C9: variants seen among roughly 807,000 people sequenced by gnomAD.
C9 encodes complement C9, also known as complement component C9.
A neutral mutation model predicts 65.4 loss-of-function variants in C9; 63 were observed. The ratio of observed to expected loss-of-function variants is 0.96; its 90% confidence interval spans 0.79 to 1.19. The LOEUF is 1.19. Ranked by LOEUF, C9 falls within the 50% of genes most tolerant of loss-of-function variation. The pLI is 0.00. For missense variants in C9, 744 were observed against 670.1 expected, an observed-to-expected ratio of 1.11 and a Z score of -1.22; for synonymous variants, 229 against 227.9, an observed-to-expected ratio of 1.00 and a Z score of -0.04.
chr5:39,340,633 C>T (rs368560490), intron 4 of C9, among the ~76,000 whole-genome samples: 1 of 152,286 alleles, frequency 6.6e-6, no homozygotes, highest in Middle Eastern at 3.4e-3. Flanking sequence ...AGAACCAGAA[C>T]CTCAACATAA....
chr5:39,305,783 AG>A (rs979112094), intron 9 of C9, among the ~76,000 whole-genome samples: 1 of 152,134 alleles, frequency 6.6e-6, no homozygotes, highest in Non-Finnish European at 1.5e-5. Context: ...TAATCAAGAT[AG>A]AAAAAGGAAA....
intron 1 of C9, among the ~76,000 whole-genome samples, chr5:39,358,724 G>A (rs1288219891): frequency 2.0e-5 from 3 of 152,046 alleles, no homozygotes; most frequent in Admixed American, 6.6e-5. Flanking sequence ...GGTGGCTCAC[G>A]TCTGTAATCC....
In C9 at chr5:39,306,634, C is replaced by T. The variant is rs752668931; in HGVS notation, c.1399G>A (p.Val467Ile). ...TTTCTTACTTTTTGACTAATGAGAACAGGAGCATCATTTATGGAAGAGGCC... is the reference window on the plus strand; with the variant it reads ...TTTCTTACTTTTTGACTAATGAGAATAGGAGCATCATTTATGGAAGAGGCC... ...NWASSINDAPVLISQKLSPIY... is the reference protein window; with the variant it reads ...NWASSINDAPILISQKLSPIY... Residue 467 changes from valine (V) to isoleucine (I), a missense_variant, in exon 9 of 11, where the codon GTT (valine) becomes ATT (isoleucine). Transcript: ENST00000263408. 6.2e-6 allele frequency: 10 copies of T among 1,613,178 alleles called. No homozygotes were observed. Among genetic ancestry groups the T allele is most frequent in the Non-Finnish European group, 8.5e-6 (10 of 1,179,240 alleles).
At chr5:39,342,047 T>C (rs200570824) in intron 2 of C9, 44 bp downstream of exon 2, 1 of 1,082,552 alleles carries the variant, frequency 9.2e-7, no homozygotes, top group African/African-American at 1.5e-5. Flanking sequence ...AGCAATACAG[T>C]TTCCATTTGG....
chr5:39,338,600 A>G (rs759430694), intron 4 of C9, among the ~76,000 whole-genome samples: 8 of 152,248 alleles, frequency 5.3e-5, no homozygotes, highest in Non-Finnish European at 1.2e-4. Flanking sequence ...AATTTAACAT[A>G]GGTTATTACT....
intron 1 of C9, among the ~76,000 whole-genome samples, chr5:39,357,286 T>C (rs1158881362): frequency 2.0e-5 from 3 of 152,242 alleles, no homozygotes; most frequent in African/African-American, 7.2e-5. Flanking sequence ...GACTACATTT[T>C]TAACCAATGG....
At chr5:39,332,378 T>A (rs1753860432) in intron 4 of C9, among the ~76,000 whole-genome samples, 1 of 152,200 alleles carries the variant, frequency 6.6e-6, no homozygotes, top group South Asian at 2.1e-4. Flanking sequence ...CTCTCCAAGA[T>A]GAACACAAAA....
intron 6 of C9, 57 bp from the exon 7 acceptor site, chr5:39,311,434 G>A: frequency 6.4e-7 from 1 of 1,562,798 alleles, no homozygotes; most frequent in Non-Finnish European, 8.7e-7. Context: ...CATTTCAAAT[G>A]AAAATTTATG....
chr5:39,322,901 C>T (rs922799547), intron 5 of C9, among the ~76,000 whole-genome samples: 1 of 152,034 alleles, frequency 6.6e-6, no homozygotes, highest in Admixed American at 6.6e-5. Flanking sequence ...TATGCAAATA[C>T]CACACCATGT....
chr5:39,330,270 C>T (rs2111926269), intron 5 of C9, among the ~76,000 whole-genome samples: 1 of 152,312 alleles, frequency 6.6e-6, no homozygotes, highest in East Asian at 1.9e-4. Flanking sequence ...TATCACACCA[C>T]ATCACCTTTC....
chr5:39,327,238 CT>C (rs1753762911), intron 5 of C9, among the ~76,000 whole-genome samples: 1 of 152,074 alleles, frequency 6.6e-6, no homozygotes, highest in African/African-American at 2.4e-5. Flanking sequence ...TAGATAGACA[CT>C]CACCAAATTT....
chr5:39,335,196 C>G (rs138627017), intron 4 of C9, among the ~76,000 whole-genome samples: 3 of 152,124 alleles, frequency 2.0e-5, no homozygotes, highest in African/African-American at 7.2e-5. Context: ...TCTTTATTTT[C>G]AGTGAACAAT....
At chr5:39,357,331 C>T (rs1310623078) in intron 1 of C9, among the ~76,000 whole-genome samples, 1 of 152,176 alleles carries the variant, frequency 6.6e-6, no homozygotes, top group Non-Finnish European at 1.5e-5. Context: ...TGCAACTCGT[C>T]AAGATGAAAA....
intron 2 of C9, 29 bp downstream of exon 2, chr5:39,342,062 G>A: frequency 8.3e-7 from 1 of 1,209,060 alleles, no homozygotes; most frequent in Non-Finnish European, 1.2e-6. Context: ...ATTTGGGGAG[G>A]TCAGTGGGGA....
At chr5:39,294,316 ATAGC>A (rs1002425519) in intron 9 of C9, among the ~76,000 whole-genome samples, 8 of 151,720 alleles carry the variant, frequency 5.3e-5, no homozygotes, top group Non-Finnish European at 1.0e-4. Flanking sequence ...TAAACAAACA[ATAGC>A]TAGACTAAGA....
chr5:39,310,570 AAACCTACTT>A (rs1469582973), intron 7 of C9, among the ~76,000 whole-genome samples: 3 of 152,100 alleles, frequency 2.0e-5, no homozygotes, highest in Non-Finnish European at 4.4e-5. Flanking sequence ...CCATGACCAG[AAACCTACTT>A]AACATGAGCC....
intron 8 of C9, among the ~76,000 whole-genome samples, chr5:39,308,011 C>T (rs1160839202): frequency 6.6e-6 from 1 of 152,146 alleles, no homozygotes; most frequent in African/African-American, 2.4e-5. Flanking sequence ...AATCACACCC[C>T]CTTGAGTTGT....
intron 9 of C9, among the ~76,000 whole-genome samples, chr5:39,300,579 G>A (rs183533193): frequency 7.2e-5 from 11 of 151,876 alleles, no homozygotes; most frequent in South Asian, 2.1e-4. Flanking sequence ...CAACAGAGAC[G>A]TCTGGCAAAC....
intron 9 of C9, among the ~76,000 whole-genome samples, chr5:39,297,911 AG>A (rs1323948464): frequency 3.3e-5 from 5 of 151,720 alleles, no homozygotes; most frequent in Non-Finnish European, 5.9e-5. Context: ...AAGTGCACAT[AG>A]GCATATCTAT....
Sources: gnomAD v4.1 joint callset for allele counts (sites outside exome capture counted in the v4.1 genomes callset) on GRCh38, gnomAD v4.1.1 for gene constraint, MANE v1.5 for transcripts, NCBI Gene and HGNC (gene_info 2026-07-23, HGNC 2026-07-21) for gene names.